The following ETV6 variants were observed in gnomAD, a reference collection of about 807,000 sequenced individuals.
ETV6 encodes the protein ETS variant transcription factor 6.
In ETV6, 16 loss-of-function variants were observed where a neutral mutation model predicts 51.1. That is an observed-to-expected ratio of 0.31 (90% CI 0.21 to 0.48). The LOEUF is 0.48. Among genes scored for constraint, ETV6 ranks in the 20% least tolerant of loss-of-function variants. The pLI is 0.99. For synonymous variants in ETV6, 240 were observed against 224.1 expected (o/e 1.07, Z -0.64); for missense variants, 458 against 594.8 (o/e 0.77, Z 2.39).
intron 1 of ETV6, among the ~76,000 whole-genome samples, chr12:11,747,515 G>A (rs1277682122): frequency 6.6e-6 from 1 of 151,984 alleles, no homozygotes. Flanking sequence ...GAGATGCTAG[G>A]GTATGCTCTT....
chr12:11,784,370 G>A (rs1945451474), intron 2 of ETV6, among the ~76,000 whole-genome samples: 1 of 151,098 alleles, frequency 6.6e-6, no homozygotes, highest in Non-Finnish European at 1.5e-5. Context: ...GAGGTGGGAA[G>A]ATTGCTTGAA....
At chr12:11,827,550 C>T (rs1309810482) in intron 2 of ETV6, among the ~76,000 whole-genome samples, 1 of 152,078 alleles carries the variant, frequency 6.6e-6, no homozygotes, top group African/African-American at 2.4e-5. Flanking sequence ...CCGCGCCCTG[C>T]CCCCACACCT....
intron 2 of ETV6, among the ~76,000 whole-genome samples, chr12:11,809,838 T>G (rs1275917916): frequency 9.8e-5 from 12 of 122,626 alleles, no homozygotes; most frequent in African/African-American, 3.6e-4. Flanking sequence ...TTTTTTTTTT[T>G]GGAGAGAGTC....
chr12:11,673,427 T>G (rs1864357495), intron 1 of ETV6, among the ~76,000 whole-genome samples: 1 of 152,208 alleles, frequency 6.6e-6, no homozygotes, highest in African/African-American at 2.4e-5. Context: ...AAAGCACTGT[T>G]AAGATACTAA....
rs988652413 is a variant in ETV6, at chr12:11,894,235, A to G, written c.*3189A>G. The G allele has an allele frequency of 8.6e-6, 2 of 232,462 alleles. No homozygotes were observed. Among genetic ancestry groups the G allele is most frequent in the Non-Finnish European group, 1.7e-5 (2 of 117,634 alleles). The allele number at this position is 232,462 out of a possible 1,614,324, so 14.4% of individuals were successfully genotyped here. On this transcript the variant is annotated 3_prime_UTR_variant, in exon 8 of 8. Transcript: ENST00000396373. ...ACTAAGTACTAGGGGTGTTGTCAGG[A>G]GACAAATCTGAAGTCAGGAGAGGAA...
intron 2 of ETV6, among the ~76,000 whole-genome samples, chr12:11,788,830 C>G (rs1315264558): frequency 2.2e-5 from 3 of 134,324 alleles, no homozygotes; most frequent in Non-Finnish European, 4.7e-5. Flanking sequence ...TTTGTCCTTT[C>G]TTCCCCCTAC....
At chr12:11,719,406 G>A (rs190973317) in intron 1 of ETV6, among the ~76,000 whole-genome samples, 5 of 152,362 alleles carry the variant, frequency 3.3e-5, no homozygotes, top group East Asian at 1.9e-4. Context: ...ATGTGATAGA[G>A]ACAGTAAGTG....
intron 1 of ETV6, among the ~76,000 whole-genome samples, chr12:11,707,380 G>A (rs527789259): frequency 6.6e-5 from 10 of 152,222 alleles, no homozygotes; most frequent in Non-Finnish European, 1.3e-4. Flanking sequence ...TGTGGGAATC[G>A]CAGCGCTTCT....
At chr12:11,833,460 G>A (rs1043008263) in intron 2 of ETV6, among the ~76,000 whole-genome samples, 6 of 151,978 alleles carry the variant, frequency 3.9e-5, no homozygotes, top group African/African-American at 1.5e-4. Flanking sequence ...CTGAACTACC[G>A]TGAAACTTTT....
At chr12:11,839,427 C>A in intron 3 of ETV6, 123 bp downstream of exon 3, 3 of 999,940 alleles carry the variant, frequency 3.0e-6, no homozygotes, top group South Asian at 1.7e-5. Flanking sequence ...GAAGGGATGA[C>A]GATGGAAGGA....
chr12:11,679,445 TC>T (rs1213411736), intron 1 of ETV6, among the ~76,000 whole-genome samples: 1 of 152,246 alleles, frequency 6.6e-6, no homozygotes, highest in Non-Finnish European at 1.5e-5. Context: ...GACCATTTCT[TC>T]TTCGGTAAAG....
chr12:11,812,511 C>T (rs184661953), intron 2 of ETV6, among the ~76,000 whole-genome samples: 211 of 152,288 alleles, frequency 1.4e-3, no homozygotes, highest in African/African-American at 4.7e-3. Flanking sequence ...CCTCTCACTC[C>T]GACACTTTTG....
intron 2 of ETV6, 93 bp from the exon 3 acceptor site, chr12:11,839,047 T>C: frequency 1.4e-5 from 19 of 1,325,084 alleles, no homozygotes; most frequent in Non-Finnish European, 1.7e-5. Flanking sequence ...AGACTCATTT[T>C]GTTAACTATT....
intron 3 of ETV6, among the ~76,000 whole-genome samples, chr12:11,844,120 GAACA>G (rs1042903279): frequency 3.9e-5 from 6 of 151,906 alleles, no homozygotes; most frequent in African/African-American, 1.2e-4. Context: ...TGACAGGAGG[GAACA>G]GACAGGTTGG....
At chr12:11,656,935 T>G (rs945580542) in intron 1 of ETV6, among the ~76,000 whole-genome samples, 5 of 152,222 alleles carry the variant, frequency 3.3e-5, no homozygotes, top group Admixed American at 3.3e-4. Context: ...TCCAGGAATC[T>G]ATTTCAGATA....
intron 1 of ETV6, among the ~76,000 whole-genome samples, chr12:11,670,853 G>A (rs978398410): frequency 1.3e-5 from 2 of 152,194 alleles, no homozygotes; most frequent in Admixed American, 1.3e-4. Flanking sequence ...TTTGAAACTT[G>A]CCTTGCAGGG....
At chr12:11,679,712 A>C (rs1000215833) in intron 1 of ETV6, among the ~76,000 whole-genome samples, 1 of 152,180 alleles carries the variant, frequency 6.6e-6, no homozygotes, top group Non-Finnish European at 1.5e-5. Flanking sequence ...AAGAGTTTCC[A>C]TTATTTGTAA....
At chr12:11,780,843 G>A (rs777693497) in intron 2 of ETV6, among the ~76,000 whole-genome samples, 19 of 152,244 alleles carry the variant, frequency 1.2e-4, no homozygotes, top group Non-Finnish European at 1.5e-4. Context: ...ATGATTGTAA[G>A]TTACTGTATA....
chr12:11,867,622 C>A (rs1325003742), intron 4 of ETV6, among the ~76,000 whole-genome samples: 1 of 152,156 alleles, frequency 6.6e-6, no homozygotes, highest in Non-Finnish European at 1.5e-5. Flanking sequence ...CTGTGTAAAA[C>A]TTAAAACCAC....
Sources: gnomAD v4.1 joint callset for allele counts (sites outside exome capture counted in the v4.1 genomes callset) on GRCh38, gnomAD v4.1.1 for gene constraint, MANE v1.5 for transcripts, NCBI Gene and HGNC (gene_info 2026-07-23, HGNC 2026-07-21) for gene names.